The following ATG4D variants were observed in gnomAD, a reference collection of about 807,000 sequenced individuals.
The protein encoded by ATG4D is cysteine protease ATG4D.
In ATG4D, 51 loss-of-function variants were observed where a neutral mutation model predicts 55.2. That is an observed-to-expected ratio of 0.92 (90% CI 0.74 to 1.17). The LOEUF (loss-of-function observed/expected upper bound fraction) is 1.17. Ranked by LOEUF, ATG4D falls within the 50% of genes most tolerant of loss-of-function variation. The pLI, the probability that ATG4D is intolerant of heterozygous loss-of-function variation, is 0.00. For synonymous variants in ATG4D, 268 were observed against 266.2 expected (o/e 1.01, Z -0.07); for missense variants, 635 against 649.6 (o/e 0.98, Z 0.25).
At chr19:10,548,880 C>T in intron 5 of ATG4D, 24 bp from the exon 6 acceptor site, 3 of 1,608,580 alleles carry the variant, frequency 1.9e-6, no homozygotes, top group Non-Finnish European at 2.6e-6. Context: ...AAGAAGGTGA[C>T]CTGCTGCTGT....
rs972057000 is a variant in ATG4D at position 10,547,003 on chromosome 19, G to C, written c.658G>C (p.Ala220Pro). Residue 220 changes from alanine (A) to proline (P), a missense_variant, in exon 4 of 10, where the codon GCC (alanine) becomes CCC (proline). By Grantham distance (27) the Ala-to-Pro change is conservative (BLOSUM62 -1). Coordinates refer to ENST00000309469, the MANE Select transcript of ATG4D (RefSeq NM_032885.6). ...GCACCGGCAGATTGTGTCCTGGTTC[G>C]CCGACCACCCCCGGGCCCCCTTTGG... The part of the protein sequence containing the change: ...RRHRQIVSWF[A>P]DHPRAPFGLH... The C allele has an allele frequency of 1.3e-6, 2 of 1,591,878 alleles. No homozygotes were observed. Among genetic ancestry groups the C allele is most frequent in the African/African-American group, 2.7e-5 (2 of 74,780 alleles).
Position 10,545,023 on chromosome 19 carries a change from C to G in ATG4D, c.386C>G (p.Pro129Arg), listed in dbSNP as rs752968419. The change falls in exon 3 of 10, where the codon CCG (proline) becomes CGG (arginine). Residue 129 changes from proline (P) to arginine (R), a missense_variant. Physicochemically the swap from Pro to Arg is moderately radical, Grantham distance 103. Transcript: ENST00000309469. ...TGGCTCACATACCGCCGGGACTTCC[C>G]GCCCCTTCCTGGGGGCTGCCTGACC... ...RLWLTYRRDF[P>R]PLPGGCLTSD... The G allele has an allele frequency of 6.2e-7, 1 of 1,611,508 alleles. No individual in the cohort carries two copies. Among genetic ancestry groups the G allele is most frequent in the Non-Finnish European group, 8.5e-7 (1 of 1,178,854 alleles).
chr19:10,545,296 A>C (rs1046934798), intron 3 of ATG4D, among the ~76,000 whole-genome samples, 166 bp downstream of exon 3: 1 of 152,160 alleles, frequency 6.6e-6, no homozygotes, highest in Admixed American at 6.6e-5. Flanking sequence ...CCGGGGTTGG[A>C]AACGGTGGCT....
intron 3 of ATG4D, among the ~76,000 whole-genome samples, chr19:10,545,467 G>A (rs534067817): frequency 3.3e-5 from 5 of 152,008 alleles, no homozygotes; most frequent in Admixed American, 6.6e-5. Context: ...AGCTACTCCC[G>A]AGGCTGAGGT....
intron 9 of ATG4D, 28 bp downstream of exon 9, chr19:10,552,352 T>C: frequency 6.3e-7 from 1 of 1,595,700 alleles, no homozygotes; most frequent in Admixed American, 1.7e-5. Flanking sequence ...TGGAGTGGGG[T>C]GAGGGGGGCG....
chr19:10,544,583 A>AG, intron 1 of ATG4D, 200 bp from the exon 2 acceptor site: 1 of 1,163,702 alleles, frequency 8.6e-7, no homozygotes, highest in Non-Finnish European at 1.2e-6. Flanking sequence ...TACAATAATC[A>AG]GAACTACCTT....
At chr19:10,548,787 T>G in intron 5 of ATG4D, 117 bp from the exon 6 acceptor site, 4 of 1,434,360 alleles carry the variant, frequency 2.8e-6, no homozygotes, top group Non-Finnish European at 3.8e-6. Flanking sequence ...TGGTTAGTGA[T>G]GACAGTGTTG....
At chr19:10,548,706 G>A (rs1422126298) in intron 5 of ATG4D, among the ~76,000 whole-genome samples, 198 bp from the exon 6 acceptor site, 1 of 152,130 alleles carries the variant, frequency 6.6e-6, no homozygotes, top group Admixed American at 6.6e-5. Context: ...CTGTAAAATG[G>A]GGATGTCCAC....
In ATG4D at chr19:10,553,100, T is replaced by C. The variant is rs763156339; in HGVS notation, c.*33T>C. On this transcript the variant is annotated 3_prime_UTR_variant, in exon 10 of 10. Coordinates refer to ENST00000309469, the MANE Select transcript of ATG4D (RefSeq NM_032885.6). ...GGATGAGGGGAAAGATACAACACTA[T>C]TTATTTTTTTATTTATGTCATGTCG... 6.5e-7 allele frequency: 1 copy of C among 1,548,940 alleles called. No individual in the cohort carries two copies. The highest frequency in any genetic ancestry group is 8.7e-7 in the Non-Finnish European group (1 of 1,148,698).
chr19:10,547,807 C>T (rs545896100), intron 5 of ATG4D, among the ~76,000 whole-genome samples: 1 of 151,160 alleles, frequency 6.6e-6, no homozygotes, highest in African/African-American at 2.4e-5. Context: ...AGCGATTCTC[C>T]TGCCTCAGCC....
At position 10,551,416 on chromosome 19, in the gene ATG4D, C is replaced by T. The variant is rs1297130482; in HGVS notation, c.967-481C>T. On this transcript the variant is annotated intron_variant, in intron 6 of 9. Coordinates refer to ENST00000309469, the MANE Select transcript of ATG4D (RefSeq NM_032885.6). ...GATGGAGGTTTCGGTGAGCCAAGATCGTGCTACTGCACTCCAGCCTGTAAT... is the reference window on the plus strand; with the variant it reads ...GATGGAGGTTTCGGTGAGCCAAGATTGTGCTACTGCACTCCAGCCTGTAAT... Among the ~76,000 whole-genome samples the T allele has an allele frequency of 6.6e-5, 10 of 150,582 alleles. No individual in the cohort carries two copies. The East Asian group carries it at 7.8e-4, about 12-fold the overall frequency.
Position 10,547,910 on chromosome 19 carries a change from C to T in ATG4D, c.835+657C>T, listed in dbSNP as rs528685389. Among the ~76,000 whole-genome samples, 15 of 147,506 alleles carry T rather than the reference C, an allele frequency of 1.0e-4. No homozygotes were observed. The South Asian group carries it at 2.6e-3, about 26-fold the overall frequency. The stretch of plus-strand genomic sequence containing the variant: ...TGGGGTTTCACCATGTTGACAAGGC[C>T]GGTCTTGAACTCCTGACCTCAGGTG... On this transcript the variant is annotated intron_variant, in intron 5 of 9. Coordinates refer to ENST00000309469, the MANE Select transcript of ATG4D (RefSeq NM_032885.6).
Position 10,551,923 on chromosome 19 carries a change from G to A in ATG4D, c.993G>A (p.Leu331=). 1 of 1,613,940 alleles carries A rather than the reference G, an allele frequency of 6.2e-7. No homozygotes were observed. Among genetic ancestry groups the A allele is most frequent in the Non-Finnish European group, 8.5e-7 (1 of 1,180,000 alleles). The change falls in exon 7 of 10, where the codon CTG becomes CTA. Residue 331 remains leucine, a synonymous_variant. Transcript: ENST00000309469. ...VKELLRCELC[L]GIMGGKPRHS... Reference sequence around the variant, plus strand: ...AACTCCTGCGTTGCGAGCTGTGCCTGGGCATCATGGGTGGGAAACCGCGAC... The same window carrying A: ...AACTCCTGCGTTGCGAGCTGTGCCTAGGCATCATGGGTGGGAAACCGCGAC...
rs1199514843 is a variant in ATG4D at position 10,545,102 on chromosome 19, G to A, written c.465G>A (p.Gln155=). The A allele has an allele frequency of 6.2e-7, 1 of 1,611,810 alleles. No individual in the cohort carries two copies. ...GCAGCGGCCAGATGATGCTGGCACA[G>A]GGCCTTCTGCTGCATTTCCTGCCCA... ...MLRSGQMMLA[Q]GLLLHFLPRD... is the part of the protein sequence containing the mutation. The change falls in exon 3 of 10, where the codon CAG becomes CAA. Residue 155 remains glutamine (Q), a synonymous_variant. Transcript: ENST00000309469.
chr19:10,544,182 C>G lies in ATG4D; in HGVS notation c.92C>G (p.Pro31Arg). The change falls in exon 1 of 10, where the codon CCC becomes CGC. Residue 31 changes from proline to arginine, a missense_variant. By Grantham distance (103) the Pro-to-Arg change is moderately radical. Transcript: ENST00000309469. ...CCCGAGGCCCGCAGGCCGCGGGGTC[C>G]CAGAGGCCCAGACCCCAACGGCCTG... Reference protein sequence around the residue: ...RRPEARRPRGPRGPDPNGLGP... With the variant: ...RRPEARRPRGRRGPDPNGLGP... 1 of 1,246,242 alleles carries G rather than the reference C, an allele frequency of 8.0e-7. No individual in the cohort carries two copies. Among genetic ancestry groups the G allele is most frequent in the Non-Finnish European group, 1.0e-6 (1 of 987,906 alleles). 77.2% of individuals were successfully genotyped at this position (1,246,242 alleles called of 1,614,324 possible).
chr19:10,548,809 A>G, intron 5 of ATG4D, 95 bp from the exon 6 acceptor site: 2 of 1,516,408 alleles, frequency 1.3e-6, no homozygotes, highest in Non-Finnish European at 1.8e-6. Flanking sequence ...CCTCTGAGAA[A>G]TTGCACGGTT....
Position 10,547,009 on chromosome 19 carries a change from C to T in ATG4D, c.664C>T (p.His222Tyr). The stretch of plus-strand genomic sequence containing the variant: ...GCAGATTGTGTCCTGGTTCGCCGAC[C>T]ACCCCCGGGCCCCCTTTGGCCTACA... ...HRQIVSWFADHPRAPFGLHRL... is the reference protein window; with the variant it reads ...HRQIVSWFADYPRAPFGLHRL... Residue 222 changes from histidine to tyrosine, a missense_variant, in exon 4 of 10, where the codon CAC (histidine) becomes TAC (tyrosine). His to Tyr is a moderately conservative substitution (Grantham distance 83). Transcript: ENST00000309469. 6.3e-7 allele frequency: 1 copy of T among 1,588,174 alleles called. No homozygotes were observed. Among genetic ancestry groups the T allele is most frequent in the Middle Eastern group, 1.7e-4 (1 of 6,014 alleles).
In ATG4D at chr19:10,546,840, CTG is replaced by C; in HGVS notation, c.496_497del (p.Trp166AspfsTer12). On this transcript the variant is annotated frameshift_variant and splice_region_variant, in exon 4 of 10. Coordinates refer to ENST00000309469, the MANE Select transcript of ATG4D (RefSeq NM_032885.6). LOFTEE classifies it high-confidence loss of function. ...GLLLHFLPRD[W>X]TWAEGMGLGP... ...TGACTATGTGCTCCATTCCACCAGA[CTG>C]GACATGGGCCGAGGGCATGGGCCTG... 1.9e-6 allele frequency: 3 copies of C among 1,575,490 alleles called. No homozygotes were observed. The highest frequency in any genetic ancestry group is 2.6e-6 in the Non-Finnish European group (3 of 1,157,726).
Position 10,543,994 on chromosome 19 carries a change from C to T in ATG4D, c.-97C>T. On this transcript the variant is annotated 5_prime_UTR_variant, in exon 1 of 10. Transcript: ENST00000309469. ...CCCTGGGGACGGGGGCCGAGTAGCG[C>T]CTTCCCCGGGCCCCGTGAACCGGCT... The T allele has an allele frequency of 1.2e-6, 1 of 814,432 alleles. No individual in the cohort carries two copies. The highest frequency in any genetic ancestry group is 1.6e-6 in the Non-Finnish European group (1 of 611,386). The allele number at this position is 814,432 out of a possible 1,614,324, so 50.5% of individuals were successfully genotyped here.
Sources: allele counts gnomAD v4.1 joint callset (sites outside exome capture counted in the v4.1 genomes callset), GRCh38; gene constraint gnomAD v4.1.1; transcripts MANE v1.5; gene names NCBI Gene and HGNC (gene_info 2026-07-23, HGNC 2026-07-21).